Variants in DOCK10 observed in about 807,000 individuals in gnomAD.
DOCK10 encodes the protein dedicator of cytokinesis protein 10.
DOCK10 carries 145 observed loss-of-function variants against 280.1 expected under a neutral mutation model. The observed-to-expected ratio is 0.52, with a 90% CI of 0.45 to 0.59. The LOEUF (loss-of-function observed/expected upper bound fraction) is 0.59, where lower values mean the gene tolerates loss of function less well. DOCK10 is among the 20% of genes least tolerant of loss of function. The pLI, the probability that DOCK10 is intolerant of heterozygous loss-of-function variation, is 0.00. For missense variants in DOCK10, 2,368 were observed against 2,651.7 expected, an observed-to-expected ratio of 0.89 and a Z score of 2.35; for synonymous variants, 915 against 942.2, an observed-to-expected ratio of 0.97 and a Z score of 0.53.
intron 2 of DOCK10, among the ~76,000 whole-genome samples, chr2:224,921,071 A>G (rs887475598): frequency 7.3e-6 from 1 of 136,292 alleles, no homozygotes; most frequent in Admixed American, 7.5e-5. Flanking sequence ...CCTGGCCAAC[A>G]TGGGAAAACA....
intron 44 of DOCK10, among the ~76,000 whole-genome samples, chr2:224,795,443 GGC>G (rs1202605794): frequency 6.6e-6 from 1 of 152,124 alleles, no homozygotes; most frequent in Non-Finnish European, 1.5e-5. Context: ...ACACTGGCCT[GGC>G]CAATTCTATT....
At chr2:224,817,230 G>T (rs1325910155) in intron 29 of DOCK10, among the ~76,000 whole-genome samples, 1 of 152,192 alleles carries the variant, frequency 6.6e-6, no homozygotes, top group Non-Finnish European at 1.5e-5. Context: ...CCCTGCCCTT[G>T]CAAATAGGTC....
chr2:224,839,043 A>G lies in DOCK10; in HGVS notation c.2780+911T>C, dbSNP rs538281575. Reference sequence around the variant, plus strand: ...GGGCATTTACTTAAGAGAAACGAAGACTTATGTTTACACAAAACCTCTACA... The same window carrying G: ...GGGCATTTACTTAAGAGAAACGAAGGCTTATGTTTACACAAAACCTCTACA... On this transcript the variant is annotated intron_variant, in intron 24 of 55. Transcript: ENST00000258390. Among the ~76,000 whole-genome samples, 15 of 152,008 alleles carry G rather than the reference A, an allele frequency of 9.9e-5. No homozygotes were observed. In the South Asian group the frequency reaches 3.1e-3, roughly 32 times the overall value.
intron 7 of DOCK10, among the ~76,000 whole-genome samples, chr2:224,877,446 A>C (rs1435941814): frequency 3.4e-5 from 3 of 88,732 alleles, no homozygotes; most frequent in African/African-American, 5.3e-5. Flanking sequence ...ATTCTATTGG[A>C]ATAGGTTCCT....
intron 1 of DOCK10, among the ~76,000 whole-genome samples, chr2:224,937,133 C>G (rs1424561713): frequency 3.3e-5 from 5 of 152,168 alleles, no homozygotes. Context: ...AGGGAACCAT[C>G]AACATCTGGT....
At chr2:224,959,665 T>G in intron 1 of DOCK10, among the ~76,000 whole-genome samples, 1 of 152,222 alleles carries the variant, frequency 6.6e-6, no homozygotes, top group East Asian at 1.9e-4. Flanking sequence ...GAAATAATTT[T>G]GGGGCTGTTT....
At chr2:224,917,739 T>C (rs1701417613) in intron 2 of DOCK10, among the ~76,000 whole-genome samples, 1 of 152,198 alleles carries the variant, frequency 6.6e-6, no homozygotes. Flanking sequence ...AAACAAAACA[T>C]CACAAACAGA....
intron 31 of DOCK10, among the ~76,000 whole-genome samples, chr2:224,813,375 T>C (rs1693912520): frequency 6.6e-6 from 1 of 152,098 alleles, no homozygotes; most frequent in Admixed American, 6.5e-5. Flanking sequence ...TTTCTATTTT[T>C]AGTAGAGATG....
intron 1 of DOCK10, among the ~76,000 whole-genome samples, chr2:225,002,370 C>A (rs1706462998): frequency 2.0e-5 from 3 of 152,174 alleles, no homozygotes; most frequent in Admixed American, 2.0e-4. Context: ...TTCAAGTTTC[C>A]ATTACCAAGT....
chr2:224,910,345 G>A (rs927493503), intron 3 of DOCK10, among the ~76,000 whole-genome samples: 2 of 152,214 alleles, frequency 1.3e-5, no homozygotes, highest in African/African-American at 4.8e-5. Flanking sequence ...GTGGGGCTGT[G>A]AGGGTGAAGA....
chr2:224,780,767 A>C (rs1691272002), intron 50 of DOCK10, among the ~76,000 whole-genome samples: 1 of 151,934 alleles, frequency 6.6e-6, no homozygotes, highest in African/African-American at 2.4e-5. Flanking sequence ...GGGCATGGTG[A>C]CACACGCCTG....
intron 1 of DOCK10, among the ~76,000 whole-genome samples, chr2:225,029,876 G>T (rs916383367): frequency 2.0e-5 from 3 of 152,086 alleles, no homozygotes; most frequent in African/African-American, 7.2e-5. Context: ...AGGAGAGGTG[G>T]CTCACACCTG....
At chr2:224,993,162 G>A (rs1706176185) in intron 1 of DOCK10, among the ~76,000 whole-genome samples, 1 of 151,096 alleles carries the variant, frequency 6.6e-6, no homozygotes, top group African/African-American at 2.4e-5. Flanking sequence ...CAGGTTGATG[G>A]AAGGAATACT....
chr2:224,936,790 T>G (rs1358754799), intron 1 of DOCK10, among the ~76,000 whole-genome samples: 2 of 152,152 alleles, frequency 1.3e-5, no homozygotes, highest in African/African-American at 4.8e-5. Context: ...ATTTCTACAA[T>G]GAACATGTAT....
At chr2:224,775,910 T>C (rs1003937895) in intron 51 of DOCK10, among the ~76,000 whole-genome samples, 4 of 152,286 alleles carry the variant, frequency 2.6e-5, no homozygotes, top group African/African-American at 9.6e-5. Context: ...AGATTCCTTG[T>C]TTAATTTAGC....
At chr2:224,800,867 C>T (rs1692937898) in intron 40 of DOCK10, among the ~76,000 whole-genome samples, 1 of 152,060 alleles carries the variant, frequency 6.6e-6, no homozygotes, top group Admixed American at 6.6e-5. Context: ...TTTAGGGGCA[C>T]ATAAGACATC....
At chr2:224,840,165 C>T in intron 23 of DOCK10, 93 bp from the exon 24 acceptor site, 1 of 621,710 alleles carries the variant, frequency 1.6e-6, no homozygotes, top group Non-Finnish European at 2.7e-6. Context: ...GAGAAGAAAA[C>T]ATAAGGAGAA....
At chr2:224,791,046 T>C (rs1314399393) in intron 47 of DOCK10, among the ~76,000 whole-genome samples, 4 of 152,220 alleles carry the variant, frequency 2.6e-5, no homozygotes, top group African/African-American at 9.7e-5. Context: ...GGACATACAT[T>C]ATATTCTCAT....
intron 31 of DOCK10, among the ~76,000 whole-genome samples, chr2:224,809,895 A>G (rs528375063): frequency 6.6e-6 from 1 of 151,158 alleles, no homozygotes; most frequent in South Asian, 2.1e-4. Flanking sequence ...TTGCAGCATT[A>G]TTCACAATAG....
Sources: gnomAD v4.1 joint callset for allele counts (sites outside exome capture counted in the v4.1 genomes callset) on GRCh38, gnomAD v4.1.1 for gene constraint, MANE v1.5 for transcripts, NCBI Gene and HGNC (gene_info 2026-07-23, HGNC 2026-07-21) for gene names.